Variants in WDR48 observed in about 807,000 individuals in gnomAD.
The protein encoded by WDR48 is WD repeat-containing protein 48.
A neutral mutation model predicts 94.0 loss-of-function variants in WDR48; 22 were observed. That is an observed-to-expected ratio of 0.23 (90% confidence interval 0.17 to 0.33). WDR48 has a LOEUF of 0.33. Among genes scored for constraint, WDR48 ranks in the 10% least tolerant of loss-of-function variants. The pLI, the probability that WDR48 is intolerant of heterozygous loss-of-function variation, is 1.00. For missense variants in WDR48, 541 were observed against 813.8 expected (o/e 0.66, Z 4.08); for synonymous variants, 278 against 280.5 (o/e 0.99, Z 0.09).
At chr3:39,089,686 ATTAT>A (rs2034984087) in intron 16 of WDR48, 1 of 157,282 alleles carries the variant, frequency 6.4e-6, no homozygotes, top group Non-Finnish European at 1.4e-5. Context: ...ACAAGCATAT[ATTAT>A]TTGTGTACAT....
intron 1 of WDR48, among the ~76,000 whole-genome samples, chr3:39,059,204 G>A (rs2033104636): frequency 6.6e-6 from 1 of 152,054 alleles, no homozygotes; most frequent in East Asian, 1.9e-4. Context: ...TTTCTCCTAA[G>A]ATCTGAAGAG....
chr3:39,075,159 T>A lies in WDR48; in HGVS notation c.897+209T>A, dbSNP rs1027958064. Among the ~76,000 whole-genome samples the A allele has an allele frequency of 3.3e-5, 5 of 150,358 alleles. No individual in the cohort carries two copies. The East Asian group carries it at 9.8e-4, about 30-fold the overall frequency. On this transcript the variant is annotated intron_variant, in intron 8 of 18. Coordinates refer to ENST00000302313, the MANE Select transcript of WDR48 (RefSeq NM_020839.4). ...GGAAGAGTGTCAGTATGAGATACTC[T>A]GGGTCAGTTCTGGGGCACTTTTGTG...
chr3:39,053,589 C>G (rs555440847), intron 1 of WDR48, among the ~76,000 whole-genome samples: 111 of 152,292 alleles, frequency 7.3e-4, no homozygotes, highest in Non-Finnish European at 1.3e-3. Flanking sequence ...ATTATAGACT[C>G]TATGGTGGTG....
At chr3:39,075,854 C>T (rs984678380) in intron 8 of WDR48, among the ~76,000 whole-genome samples, 1 of 151,976 alleles carries the variant, frequency 6.6e-6, no homozygotes, top group African/African-American at 2.4e-5. Context: ...CCACCATGCC[C>T]AGCTAATTTT....
intron 11 of WDR48, among the ~76,000 whole-genome samples, chr3:39,081,402 G>A (rs982138234): frequency 6.6e-6 from 1 of 152,202 alleles, no homozygotes; most frequent in Non-Finnish European, 1.5e-5. Flanking sequence ...TGTTTGGTGA[G>A]CATTGCTTCA....
At chr3:39,080,545 A>G (rs892561363) in intron 11 of WDR48, among the ~76,000 whole-genome samples, 51 of 152,326 alleles carry the variant, frequency 3.3e-4, no homozygotes, top group African/African-American at 1.2e-3. Context: ...TGTTCAACAG[A>G]TATTTCCTAG....
rs1259421905 is a variant in WDR48 at position 39,096,642 on chromosome 3, G to A, written c.*1899G>A. 6.6e-6 allele frequency: 1 copy of A among 152,154 alleles called. No individual in the cohort carries two copies. The highest frequency in any genetic ancestry group is 1.5e-5 in the Non-Finnish European group (1 of 68,028). The allele number at this position is 152,154 out of a possible 1,614,324, so 9.4% of individuals were successfully genotyped here. A position where few individuals can be genotyped will look rare whatever the true frequency, so the allele number is the denominator to read the frequency against. ...AAAATCTGTATTTCACAGTTGTATA[G>A]AATAAAGGCTTTAGTTAAAATATTT... On this transcript the variant is annotated 3_prime_UTR_variant, in exon 19 of 19. Transcript: ENST00000302313.
intron 1 of WDR48, among the ~76,000 whole-genome samples, chr3:39,054,441 C>T (rs905261716): frequency 6.6e-6 from 1 of 152,158 alleles, no homozygotes; most frequent in Non-Finnish European, 1.5e-5. Flanking sequence ...TCAAATGTCC[C>T]CTCAAGGGCA....
chr3:39,069,845 T>C (rs745407100), intron 7 of WDR48, 101 bp downstream of exon 7: 340 of 929,164 alleles, frequency 3.7e-4, no homozygotes, highest in Non-Finnish European at 4.9e-4. Context: ...GCCACACTTA[T>C]TATAAATTGT....
chr3:39,082,236 G>A (rs370002409), intron 11 of WDR48, among the ~76,000 whole-genome samples: 3 of 151,974 alleles, frequency 2.0e-5, no homozygotes, highest in East Asian at 1.9e-4. Context: ...GGAAAAAATC[G>A]AATGATTAGG....
At position 39,078,124 on chromosome 3, in the gene WDR48, T is replaced by C. The variant is rs13077476; in HGVS notation, c.973-13T>C. 180,670 of 1,585,436 alleles carry C rather than the reference T, an allele frequency of 0.11. 11,301 individuals carry two copies. Among genetic ancestry groups the C allele is most frequent in the African/African-American group, 0.22 (16,089 of 73,792 alleles). On this transcript the variant is annotated splice_polypyrimidine_tract_variant and intron_variant, in intron 9 of 18. Transcript: ENST00000302313. ...AGCATAACATGATCAAATAACAAAT[T>C]TTGTAATTTTAGACTTTGAAAGGAA...
At chr3:39,068,181 T>G (rs996048030) in intron 5 of WDR48, among the ~76,000 whole-genome samples, 1 of 152,216 alleles carries the variant, frequency 6.6e-6, no homozygotes, top group Non-Finnish European at 1.5e-5. Context: ...AAACAGTACA[T>G]GTAGTAACTC....
At chr3:39,056,446 C>T (rs573983322) in intron 1 of WDR48, among the ~76,000 whole-genome samples, 2 of 151,992 alleles carry the variant, frequency 1.3e-5, no homozygotes, top group African/African-American at 2.4e-5. Flanking sequence ...ATTTCTAGAT[C>T]GAAGGGGCTT....
intron 2 of WDR48, among the ~76,000 whole-genome samples, chr3:39,064,370 C>T (rs112664882): frequency 6.6e-6 from 1 of 151,454 alleles, no homozygotes; most frequent in Non-Finnish European, 1.5e-5. Flanking sequence ...TGACTCCTGG[C>T]TTCAATCAAT....
At chr3:39,067,346 T>G (rs2033669185) in intron 5 of WDR48, among the ~76,000 whole-genome samples, 1 of 152,198 alleles carries the variant, frequency 6.6e-6, no homozygotes, top group Admixed American at 6.5e-5. Context: ...AGAAAAGGTT[T>G]CCAGTGCCAG....
At chr3:39,059,726 A>G (rs140461798) in intron 1 of WDR48, among the ~76,000 whole-genome samples, 3 of 152,330 alleles carry the variant, frequency 2.0e-5, no homozygotes, top group African/African-American at 7.2e-5. Flanking sequence ...TTAAAGGACA[A>G]ATTTCTGGAA....
chr3:39,081,037 T>C (rs937866987), intron 11 of WDR48, among the ~76,000 whole-genome samples: 4 of 152,064 alleles, frequency 2.6e-5, no homozygotes, highest in Non-Finnish European at 4.4e-5. Context: ...AGCAGGAAAA[T>C]CTCATGTTGA....
rs144481458 is a variant in WDR48 at position 39,066,285 on chromosome 3, A to G, written c.269-263A>G. On this transcript the variant is annotated intron_variant, in intron 3 of 18. Transcript: ENST00000302313. ...CGAGTTACAGGAATTTTTCTCAATC[A>G]CATTAGTTGAGCCTTCAACTGGAAC... 5.5e-3 allele frequency among the ~76,000 whole-genome samples: 843 copies of G among 152,304 alleles called. 9 individuals are homozygous for G. Among genetic ancestry groups the G allele is most frequent in the Middle Eastern group, 0.02 (6 of 294 alleles).
Position 39,094,784 on chromosome 3 carries a change from C to G in WDR48, c.*41C>G. ...TCCTGGATATTCATTTACGACCTTC[C>G]TCTATGGCCCCAAGAGTAGTCCTAG... On this transcript the variant is annotated 3_prime_UTR_variant, in exon 19 of 19. Coordinates refer to ENST00000302313, the MANE Select transcript of WDR48 (RefSeq NM_020839.4). 1 of 1,610,912 alleles carries G rather than the reference C, an allele frequency of 6.2e-7. No homozygotes were observed. Among genetic ancestry groups the G allele is most frequent in the Non-Finnish European group, 8.5e-7 (1 of 1,178,938 alleles).
Sources: gnomAD v4.1 joint callset for allele counts (sites outside exome capture counted in the v4.1 genomes callset) on GRCh38, gnomAD v4.1.1 for gene constraint, MANE v1.5 for transcripts, NCBI Gene and HGNC (gene_info 2026-07-23, HGNC 2026-07-21) for gene names.